Variants in PKP4 observed in about 807,000 individuals in gnomAD.
PKP4 encodes plakophilin 4.
PKP4 carries 90 observed loss-of-function variants against 145.1 expected under a neutral mutation model. The observed-to-expected ratio is 0.62, with a 90% confidence interval of 0.52 to 0.74. The LOEUF (loss-of-function observed/expected upper bound fraction) is 0.74. Among genes scored for constraint, PKP4 ranks in the 30% least tolerant of loss-of-function variants. PKP4 has a pLI of 0.00. For synonymous variants in PKP4, 563 were observed against 577.2 expected (o/e 0.98, Z 0.35); for missense variants, 1,340 against 1,482.7 (o/e 0.90, Z 1.58).
chr2:158,524,242 G>C (rs2042726215), intron 1 of PKP4, among the ~76,000 whole-genome samples: 1 of 125,808 alleles, frequency 7.9e-6, no homozygotes, highest in East Asian at 2.3e-4. Flanking sequence ...GAAAGGCCGG[G>C]TTACCCTCAA....
chr2:158,611,306 C>G (rs2051125905), intron 4 of PKP4, among the ~76,000 whole-genome samples: 1 of 152,136 alleles, frequency 6.6e-6, no homozygotes, highest in African/African-American at 2.4e-5. Context: ...TCATTTAAAT[C>G]ATTACTGTGT....
At chr2:158,617,629 C>T (rs191735387) in intron 4 of PKP4, among the ~76,000 whole-genome samples, 40 of 152,182 alleles carry the variant, frequency 2.6e-4, no homozygotes, top group African/African-American at 8.9e-4. Context: ...TAAATGTGAA[C>T]CTTACCATAC....
chr2:158,538,725 A>G (rs2044274226), intron 2 of PKP4, among the ~76,000 whole-genome samples: 1 of 151,894 alleles, frequency 6.6e-6, no homozygotes, highest in Non-Finnish European at 1.5e-5. Flanking sequence ...TATTTTTAGT[A>G]GAGACGAGGT....
chr2:158,481,288 A>T (rs1304125019), intron 1 of PKP4, among the ~76,000 whole-genome samples: 1 of 152,122 alleles, frequency 6.6e-6, no homozygotes, highest in African/African-American at 2.4e-5. Context: ...TTATCCATTC[A>T]TCAGCTATGG....
chr2:158,590,312 A>AGT (rs57003090), intron 3 of PKP4, among the ~76,000 whole-genome samples: 29,313 of 123,814 alleles, frequency 0.24, 3,579 homozygotes, highest in South Asian at 0.35. Context: ...GAATGTCTTG[A>AGT]GTGTGTGTGT....
At chr2:158,621,484 G>A (rs1456758539) in intron 6 of PKP4, 63 bp downstream of exon 6, 3 of 1,395,808 alleles carry the variant, frequency 2.1e-6, no homozygotes, top group Admixed American at 1.9e-5. Context: ...AGTGGCTCAT[G>A]CCTGTAATCC....
intron 6 of PKP4, among the ~76,000 whole-genome samples, chr2:158,623,073 T>C (rs2052407390): frequency 6.6e-6 from 1 of 152,220 alleles, no homozygotes; most frequent in Non-Finnish European, 1.5e-5. Context: ...TTTCTAGTTG[T>C]CTGGACCAAC....
At chr2:158,614,572 G>A (rs929256999) in intron 4 of PKP4, among the ~76,000 whole-genome samples, 7 of 152,092 alleles carry the variant, frequency 4.6e-5, no homozygotes, top group Admixed American at 1.3e-4. Flanking sequence ...AGTTTAGAAC[G>A]ATAGATGTCT....
intron 2 of PKP4, among the ~76,000 whole-genome samples, chr2:158,541,952 A>G (rs903333191): frequency 4.6e-5 from 7 of 152,162 alleles, no homozygotes; most frequent in African/African-American, 1.7e-4. Flanking sequence ...AACTCTTACT[A>G]TTTCATCCAT....
intron 1 of PKP4, among the ~76,000 whole-genome samples, chr2:158,504,711 A>G (rs1355841971): frequency 2.0e-5 from 3 of 152,336 alleles, no homozygotes; most frequent in Non-Finnish European, 4.4e-5. Flanking sequence ...AATCTGGAAT[A>G]TAAATGTATC....
At chr2:158,590,772 A>G (rs868768810) in intron 3 of PKP4, among the ~76,000 whole-genome samples, 11 of 152,160 alleles carry the variant, frequency 7.2e-5, no homozygotes, top group Admixed American at 2.0e-4. Context: ...GCAACCACTA[A>G]CAAAATAGTG....
intron 2 of PKP4, among the ~76,000 whole-genome samples, chr2:158,575,283 CAG>C (rs1430527067): frequency 6.6e-6 from 1 of 152,178 alleles, no homozygotes; most frequent in East Asian, 1.9e-4. Flanking sequence ...TTGCTGGAGT[CAG>C]AGTCTCAGTG....
intron 1 of PKP4, among the ~76,000 whole-genome samples, chr2:158,514,498 C>T (rs932744762): frequency 4.6e-5 from 7 of 152,210 alleles, no homozygotes; most frequent in African/African-American, 1.7e-4. Context: ...ATAAAGGAGA[C>T]TGAGAGATAA....
intron 2 of PKP4, among the ~76,000 whole-genome samples, chr2:158,576,461 G>GATATAAAGATATCTAAAGATATAAAT (rs2047861290): frequency 6.6e-6 from 1 of 152,094 alleles, no homozygotes; most frequent in Non-Finnish European, 1.5e-5. Flanking sequence ...GAATGTACTT[G>GATATAAAGATATCTAAAGATATAAAT]ATCTTTAGAT....
chr2:158,657,133 G>A (rs1387428174), intron 11 of PKP4, among the ~76,000 whole-genome samples: 3 of 151,364 alleles, frequency 2.0e-5, no homozygotes, highest in African/African-American at 7.3e-5. Flanking sequence ...TAGGACTCTG[G>A]GGGGGACTTG....
chr2:158,497,318 TGCA>T (rs140007734), intron 1 of PKP4, among the ~76,000 whole-genome samples: 29,758 of 151,994 alleles, frequency 0.2, 3,704 homozygotes, highest in Middle Eastern at 0.34. Flanking sequence ...CATTTGTATT[TGCA>T]TTTTGAGTGG....
chr2:158,584,159 A>C (rs866942071), intron 3 of PKP4, among the ~76,000 whole-genome samples: 1 of 152,204 alleles, frequency 6.6e-6, no homozygotes, highest in Non-Finnish European at 1.5e-5. Context: ...TCCGAGGCCA[A>C]CCGAGGGTCT....
intron 21 of PKP4, among the ~76,000 whole-genome samples, chr2:158,679,928 G>A (rs181703117): frequency 6.1e-4 from 93 of 152,318 alleles, no homozygotes; most frequent in African/African-American, 2.1e-3. Context: ...TGTAGGGGTG[G>A]ACTCCATCTT....
At chr2:158,557,427 T>C (rs2046191941) in intron 2 of PKP4, among the ~76,000 whole-genome samples, 1 of 152,200 alleles carries the variant, frequency 6.6e-6, no homozygotes, top group Non-Finnish European at 1.5e-5. Flanking sequence ...AGTCATTCTA[T>C]ATACTGTCCT....
Sources: allele counts gnomAD v4.1 joint callset (sites outside exome capture counted in the v4.1 genomes callset), GRCh38; gene constraint gnomAD v4.1.1; transcripts MANE v1.5; gene names NCBI Gene and HGNC (gene_info 2026-07-23, HGNC 2026-07-21).